The following LDHD variants were observed in gnomAD, a reference collection of about 807,000 sequenced individuals.
LDHD encodes the protein D-lactate dehydrogenase, mitochondrial.
Under a neutral mutation model 52.9 loss-of-function variants are expected in LDHD, and 58 were observed. That is an observed-to-expected ratio of 1.10 (90% CI 0.89 to 1.36). LDHD has a LOEUF of 1.36. Among genes scored for constraint, LDHD ranks in the 40% most tolerant of loss-of-function variants. The probability of loss-of-function intolerance (pLI) is 0.00; values close to 1 mark genes in which losing one functional copy is unlikely to be tolerated. For synonymous variants in LDHD, 350 were observed against 288.6 expected, an observed-to-expected ratio of 1.21 and a Z score of -2.16; for missense variants, 747 against 668.0, an observed-to-expected ratio of 1.12 and a Z score of -1.30.
intron 2 of LDHD, 48 bp downstream of exon 2, chr16:75,115,500 G>A (rs758321242): frequency 5.7e-6 from 9 of 1,588,876 alleles, no homozygotes; most frequent in South Asian, 2.2e-5. Flanking sequence ...TCTCTCAGCT[G>A]GGGTTGAATC....
intron 7 of LDHD, 34 bp from the exon 8 acceptor site, chr16:75,113,696 G>T (rs376171901): frequency 7.5e-5 from 121 of 1,612,648 alleles, no homozygotes; most frequent in Non-Finnish European, 9.7e-5. Flanking sequence ...ACACCGGGCC[G>T]CCACTGAGGC....
At position 75,114,737 on chromosome 16, in the gene LDHD, C is replaced by A. The variant is rs766808423; in HGVS notation, c.470-52G>T. 8 of 1,554,620 alleles carry A rather than the reference C, an allele frequency of 5.1e-6. No homozygotes were observed. In the Admixed American group the frequency reaches 1.5e-4, roughly 30 times the overall value. The stretch of plus-strand genomic sequence containing the variant: ...CTCAGGGACCGGAGGTCCTTTCCCT[C>A]GGGCTGGGGGAGGAAGGTCCCCTGA... On this transcript the variant is annotated intron_variant, in intron 4 of 10. Coordinates refer to ENST00000450168, the MANE Select transcript of LDHD (RefSeq NM_194436.3).
Position 75,112,219 on chromosome 16 carries a change from TG to T in LDHD, c.*136del. 1 of 1,045,602 alleles carries T rather than the reference TG, an allele frequency of 9.6e-7. No homozygotes were observed. The highest frequency in any genetic ancestry group is 1.6e-5 in the South Asian group (1 of 61,140). The allele number at this position is 1,045,602 out of a possible 1,614,324, so 64.8% of individuals were successfully genotyped here. On this transcript the variant is annotated 3_prime_UTR_variant, in exon 11 of 11. Coordinates refer to ENST00000450168, the MANE Select transcript of LDHD (RefSeq NM_194436.3). Reference sequence around the variant, plus strand: ...GGCTTCTCTCTGGGCCCTCTGGCCTTGGGCCCAGATACAGTGGGCTCGCTGG... The same window carrying T: ...GGCTTCTCTCTGGGCCCTCTGGCCTTGGCCCAGATACAGTGGGCTCGCTGG...
At chr16:75,114,307 A>G in intron 5 of LDHD, 142 bp from the exon 6 acceptor site, 1 of 1,510,036 alleles carries the variant, frequency 6.6e-7, no homozygotes, top group Non-Finnish European at 8.9e-7. Flanking sequence ...TCCCTGGCCC[A>G]GTGCTTTCTG....
At position 75,113,768 on chromosome 16, in the gene LDHD, G is replaced by A. The variant is rs200299667; in HGVS notation, c.932C>T (p.Ala311Val). ...LFLEFHGSQQ[A>V]LEEQLQRTEE... ...TGTGCGCTGCAGCTGCTCCTCCAGT[G>A]CCTGCTGGGAGCCATGGAACTCCAG... The change falls in exon 7 of 11, where the codon GCA becomes GTA. Residue 311 changes from alanine (A) to valine (V), a missense_variant. Coordinates refer to ENST00000450168, the MANE Select transcript of LDHD (RefSeq NM_194436.3). The A allele has an allele frequency of 6.2e-7, 1 of 1,614,016 alleles. No homozygotes were observed. The highest frequency in any genetic ancestry group is 2.2e-5 in the East Asian group (1 of 44,888).
intron 1 of LDHD, 97 bp from the exon 2 acceptor site, chr16:75,115,757 G>C: frequency 1.3e-6 from 1 of 748,424 alleles, no homozygotes; most frequent in Non-Finnish European, 2.2e-6. Flanking sequence ...CTGGAGGCTG[G>C]AGTGAGCCTC....
In LDHD at chr16:75,115,659, C is replaced by T; in HGVS notation, c.74G>A (p.Gly25Glu). 12 of 1,593,330 alleles carry T rather than the reference C, an allele frequency of 7.5e-6. No individual in the cohort carries two copies. Among genetic ancestry groups the T allele is most frequent in the African/African-American group, 1.3e-5 (1 of 74,608 alleles). Residue 25 changes from glycine (G) to glutamate (E), a missense_variant and splice_region_variant, in exon 2 of 11, where the codon GGA becomes GAA. Gly to Glu is a moderately conservative substitution (Grantham distance 98). Coordinates refer to ENST00000450168, the MANE Select transcript of LDHD (RefSeq NM_194436.3). ...CTCTACGAAGTCCCTGCAGAGCTCTCCCTGCAGGGAAGAAACACACTGCCA... is the reference window on the plus strand; with the variant it reads ...CTCTACGAAGTCCCTGCAGAGCTCTTCCTGCAGGGAAGAAACACACTGCCA... ...WRGYCSQKAKGELCRDFVEAL... is the reference protein window; with the variant it reads ...WRGYCSQKAKEELCRDFVEAL...
Position 75,114,506 on chromosome 16 carries a change from C to A in LDHD, c.629+20G>T, listed in dbSNP as rs1159283202. 4.0e-6 allele frequency: 6 copies of A among 1,495,892 alleles called. No homozygotes were observed. Among genetic ancestry groups the A allele is most frequent in the East Asian group, 5.0e-5 (2 of 40,362 alleles). 92.7% of individuals were successfully genotyped at this position (1,495,892 alleles called of 1,614,324 possible). A position where few individuals can be genotyped will look rare whatever the true frequency, so the allele number is the denominator to read the frequency against. The stretch of plus-strand genomic sequence containing the variant: ...CAGTGCCCAGGGCCAGAGCCCGGGC[C>A]CCCCGCAGAGGGCGCTCACCGGAAA... On this transcript the variant is annotated intron_variant, in intron 5 of 10. Coordinates refer to ENST00000450168, the MANE Select transcript of LDHD (RefSeq NM_194436.3).
intron 5 of LDHD, 60 bp downstream of exon 5, chr16:75,114,466 A>G: frequency 7.0e-7 from 1 of 1,435,046 alleles, no homozygotes; most frequent in Non-Finnish European, 9.1e-7. Context: ...CGGTCTCTGC[A>G]GGGCAGCCCG....
chr16:75,114,000 G>T lies in LDHD; in HGVS notation c.795C>A (p.His265Gln). ...CTACGGGCACTGCAGCCTGGAGGAT[G>T]TGTACAGTGCTGTCCACAGCAGCCT... is the stretch of plus-strand genomic sequence containing the variant. ...SVQAAVDSTVHILQAAVPVAR... is the reference protein window; with the variant it reads ...SVQAAVDSTVQILQAAVPVAR... The change falls in exon 6 of 11, where the codon CAC becomes CAA. Residue 265 changes from histidine to glutamine, a missense_variant. Coordinates refer to ENST00000450168, the MANE Select transcript of LDHD (RefSeq NM_194436.3). 2.5e-6 allele frequency: 4 copies of T among 1,603,256 alleles called. No individual in the cohort carries two copies. Among genetic ancestry groups the T allele is most frequent in the Non-Finnish European group, 3.4e-6 (4 of 1,175,288 alleles).
rs370409148 is a variant in LDHD at position 75,113,886 on chromosome 16, T to C, written c.830-16A>G. ...TCCAGGAACTCTGGATCCAGGGAGA[T>C]GGCAGGCCAGGTGAGGCCTGGCCTT... is the stretch of plus-strand genomic sequence containing the variant. On this transcript the variant is annotated splice_polypyrimidine_tract_variant and intron_variant, in intron 6 of 10. Coordinates refer to ENST00000450168, the MANE Select transcript of LDHD (RefSeq NM_194436.3). 1.8e-4 allele frequency: 295 copies of C among 1,613,682 alleles called. 2 individuals carry two copies. The African/African-American group carries it at 3.6e-3, about 20-fold the overall frequency.
At chr16:75,115,049 C>A in intron 3 of LDHD, 81 bp from the exon 4 acceptor site, 1 of 1,537,356 alleles carries the variant, frequency 6.5e-7, no homozygotes, top group Non-Finnish European at 8.8e-7. Flanking sequence ...CCGCGGGTGT[C>A]CCCCCAGCAG....
chr16:75,115,383 T>G (rs776335139), intron 2 of LDHD, 44 bp from the exon 3 acceptor site: 2 of 1,609,868 alleles, frequency 1.2e-6, no homozygotes, highest in Non-Finnish European at 1.7e-6. Context: ...TGACACCCTC[T>G]GGTCCCGAGG....
chr16:75,115,502 G>C (rs1188164691), intron 2 of LDHD, 46 bp downstream of exon 2: 1 of 1,592,126 alleles, frequency 6.3e-7, no homozygotes, highest in East Asian at 2.2e-5. Context: ...TCTCAGCTGG[G>C]GTTGAATCCA....
Position 75,116,750 on chromosome 16 carries a change from C to T in LDHD, c.-30G>A, listed in dbSNP as rs760859518. The T allele has an allele frequency of 2.0e-6, 3 of 1,503,270 alleles. No individual in the cohort carries two copies. Among genetic ancestry groups the T allele is most frequent in the Admixed American group, 2.2e-5 (1 of 46,094 alleles). 93.1% of individuals were successfully genotyped at this position (1,503,270 alleles called of 1,614,324 possible). The stretch of plus-strand genomic sequence containing the variant: ...AGGCACTGGCCAGAGGGTGTGAGCA[C>T]TGGGTGGCAGGGTGACCAGTCAGCT... On this transcript the variant is annotated 5_prime_UTR_variant, in exon 1 of 11. The change creates a new upstream start codon in the 5' untranslated region. Transcript: ENST00000450168.
chr16:75,115,670 A>G lies in LDHD; in HGVS notation c.73-10T>C, dbSNP rs781703502. 2 of 1,544,484 alleles carry G rather than the reference A, an allele frequency of 1.3e-6. No individual in the cohort carries two copies. The highest frequency in any genetic ancestry group is 3.5e-5 in the Admixed American group (2 of 57,098). On this transcript the variant is annotated splice_polypyrimidine_tract_variant and intron_variant, in intron 1 of 10. Transcript: ENST00000450168. ...CCCTGCAGAGCTCTCCCTGCAGGGA[A>G]GAAACACACTGCCAGGGTCCCCCGA...
At chr16:75,113,698 C>CA in intron 7 of LDHD, 36 bp from the exon 8 acceptor site, 1 of 1,612,972 alleles carries the variant, frequency 6.2e-7, no homozygotes, top group Middle Eastern at 1.7e-4. Context: ...ACCGGGCCGC[C>CA]ACTGAGGCAG....
Position 75,114,161 on chromosome 16 carries a change from T to C in LDHD, c.634A>G (p.Ser212Gly). 6 of 1,612,350 alleles carry C rather than the reference T, an allele frequency of 3.7e-6. No individual in the cohort carries two copies. Among genetic ancestry groups the C allele is most frequent in the Non-Finnish European group, 5.1e-6 (6 of 1,179,988 alleles). The change falls in exon 6 of 11, where the codon AGT becomes GGT. Residue 212 changes from serine to glycine, a missense_variant. By Grantham distance (56) the Ser-to-Gly change is moderately conservative. Transcript: ENST00000450168. ...CCCGTGAGGTTGTAGCCGGCTGCAC[T>C]CTTCCTACGTCCCAGGGACACACAA... is the stretch of plus-strand genomic sequence containing the variant. ...TAGRGRHFRK[S>G]AAGYNLTGLF...
chr16:75,114,198 G>A, intron 5 of LDHD, 33 bp from the exon 6 acceptor site: 4 of 1,607,848 alleles, frequency 2.5e-6, no homozygotes, highest in Non-Finnish European at 3.4e-6. Context: ...GTGAGTACCA[G>A]GCTGTGTGAT....
Sources: gnomAD v4.1 joint callset for allele counts on GRCh38, gnomAD v4.1.1 for gene constraint, MANE v1.5 for transcripts, NCBI Gene and HGNC (gene_info 2026-07-23, HGNC 2026-07-21) for gene names.